Variants in LRCH1 observed in about 807,000 individuals in gnomAD.
The protein encoded by LRCH1 is leucine rich repeats and calponin homology domain containing 1.
A neutral mutation model predicts 94.9 loss-of-function variants in LRCH1; 23 were observed. That is an observed-to-expected ratio of 0.24 (90% CI 0.17 to 0.34). The LOEUF (loss-of-function observed/expected upper bound fraction) is 0.34, where lower values mean the gene tolerates loss of function less well. Among genes scored for constraint, LRCH1 ranks in the 10% least tolerant of loss-of-function variants. The probability of loss-of-function intolerance (pLI) is 1.00; values close to 1 mark genes in which losing one functional copy is unlikely to be tolerated. For synonymous variants in LRCH1, 364 were observed against 354.9 expected, an observed-to-expected ratio of 1.03 and a Z score of -0.29; for missense variants, 790 against 945.9, an observed-to-expected ratio of 0.84 and a Z score of 2.16.
intron 8 of LRCH1, among the ~76,000 whole-genome samples, chr13:46,693,033 G>A (rs769493146): frequency 2.8e-4 from 42 of 149,682 alleles, no homozygotes; most frequent in Admixed American, 4.7e-4. Context: ...GTGCAGTGGC[G>A]TGATCTTGGC....
chr13:46,633,919 C>T (rs982648363), intron 1 of LRCH1, among the ~76,000 whole-genome samples: 7 of 143,368 alleles, frequency 4.9e-5, no homozygotes, highest in African/African-American at 1.0e-4. Context: ...CTCGCTCTGT[C>T]GCCCGGCTGG....
rs140089177 is a variant in LRCH1 at position 46,715,074 on chromosome 13, T to C, written c.1655-486T>C. 3.1e-3 allele frequency among the ~76,000 whole-genome samples: 472 copies of C among 152,338 alleles called. 2 individuals are homozygous for C. Among genetic ancestry groups the C allele is most frequent in the Non-Finnish European group, 2.4e-3 (165 of 68,032 alleles). On this transcript the variant is annotated intron_variant, in intron 15 of 19. Transcript: ENST00000389797. ...AAAAATCACTAATGGTAAATGATGA[T>C]TCTATAATAGTTTTATTTCTAAATA...
chr13:46,633,516 C>T (rs1212601027), intron 1 of LRCH1, among the ~76,000 whole-genome samples: 1 of 152,190 alleles, frequency 6.6e-6, no homozygotes, highest in Non-Finnish European at 1.5e-5. Flanking sequence ...TGGTTTAGGA[C>T]TTCCTGCCCT....
intron 1 of LRCH1, among the ~76,000 whole-genome samples, chr13:46,557,786 T>C (rs112614997): frequency 6.6e-6 from 1 of 151,590 alleles, no homozygotes; most frequent in African/African-American, 2.4e-5. Flanking sequence ...GAGGTTGCAG[T>C]GAGCTGAGGT....
intron 1 of LRCH1, among the ~76,000 whole-genome samples, chr13:46,636,965 T>TGTCCCGAG (rs1264243353): frequency 6.6e-6 from 1 of 152,216 alleles, no homozygotes; most frequent in Non-Finnish European, 1.5e-5. Context: ...TCCCAACATT[T>TGTCCCGAG]GTCCCGAGGC....
chr13:46,725,573 C>G lies in LRCH1; in HGVS notation c.1869+2243C>G, dbSNP rs183307722. On this transcript the variant is annotated intron_variant, in intron 17 of 19. Coordinates refer to ENST00000389797, the MANE Select transcript of LRCH1 (RefSeq NM_001164211.2). Reference sequence around the variant, plus strand: ...CAAATAAATACACAGTTTCAGAGAGCAATGAGTTCTACAAATGAGCAGTGA... The same window carrying G: ...CAAATAAATACACAGTTTCAGAGAGGAATGAGTTCTACAAATGAGCAGTGA... Among the ~76,000 whole-genome samples the G allele has an allele frequency of 3.9e-5, 6 of 152,126 alleles. No individual in the cohort carries two copies. In the East Asian group the frequency reaches 9.6e-4, roughly 24 times the overall value.
intron 4 of LRCH1, among the ~76,000 whole-genome samples, chr13:46,684,512 A>C (rs750101020): frequency 6.6e-6 from 1 of 152,190 alleles, no homozygotes; most frequent in Non-Finnish European, 1.5e-5. Flanking sequence ...CTAAAGATCC[A>C]GAGTCCAGTT....
At chr13:46,686,991 C>T (rs1227337975) in intron 5 of LRCH1, among the ~76,000 whole-genome samples, 6 of 126,862 alleles carry the variant, frequency 4.7e-5, no homozygotes, top group Admixed American at 9.3e-5. Context: ...CAGAGTCTCG[C>T]TCTGTCGCCC....
At chr13:46,663,031 G>A (rs2051469689) in intron 2 of LRCH1, among the ~76,000 whole-genome samples, 1 of 152,166 alleles carries the variant, frequency 6.6e-6, no homozygotes, top group Admixed American at 6.5e-5. Flanking sequence ...TTCAAATGAT[G>A]ATTCTGTTTT....
intron 1 of LRCH1, among the ~76,000 whole-genome samples, chr13:46,644,706 C>T (rs2051199717): frequency 6.6e-6 from 1 of 152,192 alleles, no homozygotes. Context: ...TGAATTCTCA[C>T]TAACTCAGTG....
rs762599907 is a variant in LRCH1, at chr13:46,694,934, G to T, written c.1162G>T (p.Gly388Cys). Reference protein sequence around the residue: ...QEFQPEPSLLGDSTNSGEERD... With the variant: ...QEFQPEPSLLCDSTNSGEERD... ...ATTTCAACCGGAGCCTTCCCTTTTG[G>T]GTGACAGCACCAACTCAGGAGAAGA... The change falls in exon 9 of 20, where the codon GGT becomes TGT. Residue 388 changes from glycine to cysteine, a missense_variant. Physicochemically the swap from Gly to Cys is radical, Grantham distance 159 (BLOSUM62 -3). This residue lies in a region of LRCH1 where 460 missense variants were observed against 508.9 expected (regional missense o/e 0.90). Transcript: ENST00000389797. The T allele has an allele frequency of 1.2e-6, 2 of 1,613,940 alleles. No individual in the cohort carries two copies. The highest frequency in any genetic ancestry group is 2.2e-5 in the South Asian group (2 of 91,076).
rs145590460 is a variant in LRCH1, at chr13:46,681,148, G to C, written c.580-593G>C. Among the ~76,000 whole-genome samples, 783 of 152,320 alleles carry C rather than the reference G, an allele frequency of 5.1e-3. 6 individuals are homozygous for C. The highest frequency in any genetic ancestry group is 8.6e-3 in the Non-Finnish European group (588 of 68,030). ...GAATTGCTTGTGAAGTGTATGGCAA[G>C]GTGGTCAGCTGTAAGATTTCTAGCC... On this transcript the variant is annotated intron_variant, in intron 3 of 19. Coordinates refer to ENST00000389797, the MANE Select transcript of LRCH1 (RefSeq NM_001164211.2).
At chr13:46,718,381 T>C (rs1016354117) in intron 16 of LRCH1, among the ~76,000 whole-genome samples, 2 of 152,216 alleles carry the variant, frequency 1.3e-5, no homozygotes, top group African/African-American at 4.8e-5. Flanking sequence ...AAACTGAGGA[T>C]ATAAGAGGCT....
chr13:46,597,814 T>A (rs1258249556), intron 1 of LRCH1, among the ~76,000 whole-genome samples: 2 of 151,290 alleles, frequency 1.3e-5, no homozygotes, highest in African/African-American at 4.9e-5. Context: ...CATTTTTTTT[T>A]TAAAAAACAG....
chr13:46,743,935 T>A lies in LRCH1; in HGVS notation c.*2087T>A, dbSNP rs990065793. On this transcript the variant is annotated 3_prime_UTR_variant, in exon 20 of 20. Coordinates refer to ENST00000389797, the MANE Select transcript of LRCH1 (RefSeq NM_001164211.2). Reference sequence around the variant, plus strand: ...TGGACGCACTTTGATTTTTTTTGTGTCATTAATTTGTCTGTACTCTGCTGC... The same window carrying A: ...TGGACGCACTTTGATTTTTTTTGTGACATTAATTTGTCTGTACTCTGCTGC... 9.1e-6 allele frequency: 9 copies of A among 985,332 alleles called. No homozygotes were observed. The highest frequency in any genetic ancestry group is 1.2e-4 in the Admixed American group (2 of 16,270). The allele number at this position is 985,332 out of a possible 1,614,324, so 61.0% of individuals were successfully genotyped here. A position where few individuals can be genotyped will look rare whatever the true frequency, so the allele number is the denominator to read the frequency against.
At chr13:46,727,799 C>A (rs1196988783) in intron 17 of LRCH1, among the ~76,000 whole-genome samples, 1 of 152,142 alleles carries the variant, frequency 6.6e-6, no homozygotes, top group Non-Finnish European at 1.5e-5. Context: ...TTAGTTCTTA[C>A]AATTGCATAT....
intron 15 of LRCH1, among the ~76,000 whole-genome samples, chr13:46,714,064 T>G (rs139815907): frequency 1.6e-4 from 24 of 152,358 alleles, no homozygotes; most frequent in African/African-American, 5.8e-4. Context: ...CTTATTACAG[T>G]TAGGGTTTAC....
chr13:46,705,458 A>G, intron 13 of LRCH1, 154 bp downstream of exon 13: 1 of 788,820 alleles, frequency 1.3e-6, no homozygotes, highest in South Asian at 1.4e-5. Context: ...CAACTTGTTT[A>G]TACGTTTGCC....
chr13:46,712,456 A>G (rs1872115359), intron 14 of LRCH1, 69 bp from the exon 15 acceptor site: 3 of 1,228,276 alleles, frequency 2.4e-6, no homozygotes, highest in Non-Finnish European at 3.6e-6. Flanking sequence ...TTGAACATAG[A>G]AAACCATACA....
Sources: allele counts gnomAD v4.1 joint callset (sites outside exome capture counted in the v4.1 genomes callset), GRCh38; gene constraint gnomAD v4.1.1; regional missense constraint gnomAD v4.1.1; transcripts MANE v1.5; gene names NCBI Gene and HGNC (gene_info 2026-07-23, HGNC 2026-07-21).